PLCXD3: variants seen among roughly 807,000 people sequenced by gnomAD.
PLCXD3 encodes PI-PLC X domain-containing protein 3.
Under a neutral mutation model 25.5 loss-of-function variants are expected in PLCXD3, and 19 were observed. The ratio of observed to expected loss-of-function variants is 0.75; its 90% CI spans 0.52 to 1.09. The LOEUF (loss-of-function observed/expected upper bound fraction) is 1.09. PLCXD3 is among the 50% of genes least tolerant of loss of function. PLCXD3 has a pLI of 0.00. For missense variants in PLCXD3, 411 were observed against 388.1 expected (o/e 1.06, Z -0.50); for synonymous variants, 174 against 137.6 (o/e 1.26, Z -1.85).
At chr5:41,488,917 G>T (rs1748583687) in intron 1 of PLCXD3, among the ~76,000 whole-genome samples, 1 of 151,642 alleles carries the variant, frequency 6.6e-6, no homozygotes, top group Non-Finnish European at 1.5e-5. Flanking sequence ...TTGCTGTGCA[G>T]AAGCTCTTTA....
chr5:41,407,801 G>T (rs1018276391), intron 1 of PLCXD3, among the ~76,000 whole-genome samples: 1 of 152,098 alleles, frequency 6.6e-6, no homozygotes, highest in Non-Finnish European at 1.5e-5. Flanking sequence ...TCTAAAGAAA[G>T]CATCAAGATA....
At chr5:41,414,107 A>G (rs1746634128) in intron 1 of PLCXD3, among the ~76,000 whole-genome samples, 1 of 152,216 alleles carries the variant, frequency 6.6e-6, no homozygotes, top group South Asian at 2.1e-4. Flanking sequence ...GCTGTACTAT[A>G]CTATAGCCCA....
In PLCXD3 at chr5:41,372,100, CT is replaced by C. The variant is rs373710168; in HGVS notation, c.812+9725del. Among the ~76,000 whole-genome samples, 1,150 of 151,964 alleles carry C rather than the reference CT, an allele frequency of 7.6e-3. 9 individuals are homozygous for C. The highest frequency in any genetic ancestry group is 0.025 in the African/African-American group (1,026 of 41,462). On this transcript the variant is annotated intron_variant, in intron 2 of 2. Transcript: ENST00000377801. Reference sequence around the variant, plus strand: ...CCCCCATCGACCTACCTCCTTTCAACTTTTTTTTGTGAGTGCTAGCTATACA... The same window carrying C: ...CCCCCATCGACCTACCTCCTTTCAACTTTTTTTGTGAGTGCTAGCTATACA...
chr5:41,373,589 G>A lies in PLCXD3; in HGVS notation c.812+8237C>T, dbSNP rs571320597. 7.9e-5 allele frequency among the ~76,000 whole-genome samples: 12 copies of A among 152,156 alleles called. No individual in the cohort carries two copies. In the East Asian group the frequency reaches 9.7e-4, roughly 12 times the overall value. ...TCCCAGCCCATGGAACGGCCAGCCC[G>A]CAGGCCGCAATCCTTTGTAAGAAAT... is the stretch of plus-strand genomic sequence containing the variant. On this transcript the variant is annotated intron_variant, in intron 2 of 2. Coordinates refer to ENST00000377801, the MANE Select transcript of PLCXD3 (RefSeq NM_001005473.3).
chr5:41,345,439 T>C (rs889961438), intron 2 of PLCXD3, among the ~76,000 whole-genome samples: 3 of 152,134 alleles, frequency 2.0e-5, no homozygotes, highest in African/African-American at 7.2e-5. Flanking sequence ...CTGGGTCTGG[T>C]TTATCTAACG....
intron 2 of PLCXD3, among the ~76,000 whole-genome samples, chr5:41,374,076 TA>T (rs566945963): frequency 4.3e-4 from 66 of 152,162 alleles, no homozygotes; most frequent in Non-Finnish European, 8.1e-4. Flanking sequence ...TAACTGAGCC[TA>T]GGGAGGAGGG....
chr5:41,469,214 T>C (rs71625653), intron 1 of PLCXD3, among the ~76,000 whole-genome samples: 6,084 of 152,282 alleles, frequency 0.04, 195 homozygotes, highest in South Asian at 0.058. Context: ...TTTTGCTTCT[T>C]AGAAATAAAC....
rs1251736841 is a variant in PLCXD3, at chr5:41,382,521, G to C, written c.117C>G (p.Ser39=). The C allele has an allele frequency of 6.3e-7, 1 of 1,596,266 alleles. No homozygotes were observed. Among genetic ancestry groups the C allele is most frequent in the South Asian group, 1.1e-5 (1 of 90,324 alleles). Reference sequence around the variant, plus strand: ...AGGCTTCATCAATGTAGAAGCTGAAGGAATCATGAGACCCTAGGAGAATAA... The same window carrying C: ...AGGCTTCATCAATGTAGAAGCTGAACGAATCATGAGACCCTAGGAGAATAA... The part of the protein sequence containing the change: ...TNLAIPGSHD[S]FSFYIDEASP... The change falls in exon 2 of 3, where the codon TCC becomes TCG. Residue 39 remains serine (S), a synonymous_variant. Transcript: ENST00000377801.
At chr5:41,354,980 T>C (rs536493881) in intron 2 of PLCXD3, among the ~76,000 whole-genome samples, 12 of 152,312 alleles carry the variant, frequency 7.9e-5, no homozygotes, top group Non-Finnish European at 1.5e-4. Context: ...CACTTGAAGT[T>C]TCCCCAAATG....
Position 41,475,508 on chromosome 5 carries a change from C to G in PLCXD3, c.103+34916G>C, listed in dbSNP as rs1748262761. 2.4e-5 allele frequency: 11 copies of G among 463,178 alleles called. 1 individual carries two copies. Among genetic ancestry groups the G allele is most frequent in the South Asian group, 1.9e-4 (11 of 57,740 alleles). 28.7% of individuals were successfully genotyped at this position (463,178 alleles called of 1,614,324 possible). ...CCTGCAAATCCCTGTCTTTCCCTAC[C>G]TATCTCTATTTGTCTCTATCTCTAT... On this transcript the variant is annotated intron_variant, in intron 1 of 2. Coordinates refer to ENST00000377801, the MANE Select transcript of PLCXD3 (RefSeq NM_001005473.3).
At chr5:41,480,975 G>A (rs1354599607) in intron 1 of PLCXD3, among the ~76,000 whole-genome samples, 2 of 151,948 alleles carry the variant, frequency 1.3e-5, no homozygotes, top group African/African-American at 4.8e-5. Flanking sequence ...AAGCATTAAA[G>A]TATACTAACA....
At chr5:41,368,871 T>C (rs1318004976) in intron 2 of PLCXD3, among the ~76,000 whole-genome samples, 3 of 152,118 alleles carry the variant, frequency 2.0e-5, no homozygotes, top group African/African-American at 7.2e-5. Context: ...CTAACTGGAG[T>C]AGAAAATGGT....
intron 2 of PLCXD3, among the ~76,000 whole-genome samples, chr5:41,353,299 C>T (rs1229542828): frequency 6.6e-6 from 1 of 151,202 alleles, no homozygotes; most frequent in African/African-American, 2.4e-5. Flanking sequence ...GACAGGGTTT[C>T]ACTGTGTTTG....
At chr5:41,492,988 TGGA>T (rs1442495497) in intron 1 of PLCXD3, among the ~76,000 whole-genome samples, 1 of 152,244 alleles carries the variant, frequency 6.6e-6, no homozygotes, top group Admixed American at 6.5e-5. Flanking sequence ...TGCGTTCCTT[TGGA>T]GGAGGAGAGG....
At chr5:41,320,889 G>A (rs1348725720) in intron 2 of PLCXD3, among the ~76,000 whole-genome samples, 1 of 152,148 alleles carries the variant, frequency 6.6e-6, no homozygotes, top group East Asian at 1.9e-4. Context: ...TTTGATAGAA[G>A]TCAACATCCC....
At chr5:41,461,579 A>G (rs964486531) in intron 1 of PLCXD3, among the ~76,000 whole-genome samples, 8 of 151,986 alleles carry the variant, frequency 5.3e-5, no homozygotes. Flanking sequence ...ACCTGCACTG[A>G]TATTTCTACA....
At chr5:41,395,592 ATC>A (rs1341962196) in intron 1 of PLCXD3, among the ~76,000 whole-genome samples, 16 of 152,150 alleles carry the variant, frequency 1.1e-4, no homozygotes, top group African/African-American at 3.4e-4. Flanking sequence ...AGGAGAGACT[ATC>A]TAAATAAAAT....
At chr5:41,316,542 C>T (rs905621761) in intron 2 of PLCXD3, among the ~76,000 whole-genome samples, 4 of 152,168 alleles carry the variant, frequency 2.6e-5, no homozygotes, top group Non-Finnish European at 5.9e-5. Flanking sequence ...TGCTAGAGCA[C>T]CAAGCAGACT....
chr5:41,496,573 T>A lies in PLCXD3; in HGVS notation c.103+13851A>T, dbSNP rs530431749. Among the ~76,000 whole-genome samples the A allele has an allele frequency of 2.1e-5, 3 of 145,284 alleles. No individual in the cohort carries two copies. The South Asian group carries it at 6.5e-4, about 31-fold the overall frequency. Reference sequence around the variant, plus strand: ...TAATAACAACCAACCGAGAGCACAATATCTGACAAAACTGTCTTTTAAACA... The same window carrying A: ...TAATAACAACCAACCGAGAGCACAAAATCTGACAAAACTGTCTTTTAAACA... On this transcript the variant is annotated intron_variant, in intron 1 of 2. Coordinates refer to ENST00000377801, the MANE Select transcript of PLCXD3 (RefSeq NM_001005473.3).
Sources: allele counts gnomAD v4.1 joint callset (sites outside exome capture counted in the v4.1 genomes callset), GRCh38; gene constraint gnomAD v4.1.1; transcripts MANE v1.5; gene names NCBI Gene and HGNC (gene_info 2026-07-23, HGNC 2026-07-21).